The following ANKFN1 variants were observed in gnomAD, a reference collection of about 807,000 sequenced individuals.
ANKFN1 encodes ankyrin repeat and fibronectin type III domain containing 1.
Under a neutral mutation model 108.7 loss-of-function variants are expected in ANKFN1, and 74 were observed. The ratio of observed to expected loss-of-function variants is 0.68; its 90% CI spans 0.56 to 0.83. The LOEUF (loss-of-function observed/expected upper bound fraction) is 0.83. Among genes scored for constraint, ANKFN1 ranks in the 40% least tolerant of loss-of-function variants. The probability of loss-of-function intolerance (pLI) is 0.00; values close to 1 mark genes in which losing one functional copy is unlikely to be tolerated. For missense variants in ANKFN1, 1,505 were observed against 1,382.3 expected (o/e 1.09, Z -1.41); for synonymous variants, 547 against 516.2 (o/e 1.06, Z -0.81).
intron 3 of ANKFN1, among the ~76,000 whole-genome samples, chr17:56,296,941 C>T (rs1444385897): frequency 6.6e-6 from 1 of 152,186 alleles, no homozygotes; most frequent in African/African-American, 2.4e-5. Context: ...CACTTGGTCT[C>T]CTTGTTACTG....
In ANKFN1 at chr17:56,499,025, A is replaced by G; in HGVS notation, c.2571A>G (p.Thr857=). The part of the protein sequence containing the change: ...DEQSLKKINS[T]SSSHIDCLPS... ...AGAGCCTAAAGAAGATCAATTCTAC[A>G]TCATCATCACATATAGACTGTCTTC... Residue 857 remains threonine, a synonymous_variant, in exon 20 of 21, where the codon ACA becomes ACG. Transcript: ENST00000682825. 2.0e-6 allele frequency: 3 copies of G among 1,535,774 alleles called. No homozygotes were observed. The highest frequency in any genetic ancestry group is 1.7e-4 in the Middle Eastern group (1 of 5,986).
chr17:56,307,043 G>A (rs1178379235), intron 3 of ANKFN1, among the ~76,000 whole-genome samples: 1 of 152,100 alleles, frequency 6.6e-6, no homozygotes, highest in African/African-American at 2.4e-5. Flanking sequence ...AGCTGAAACT[G>A]GATCCCTTCC....
intron 1 of ANKFN1, among the ~76,000 whole-genome samples, chr17:56,199,241 C>A (rs139704557): frequency 1.4e-5 from 2 of 143,690 alleles, no homozygotes; most frequent in Non-Finnish European, 1.5e-5. Context: ...TTTCCCATTA[C>A]GTTTTCTAGC....
chr17:56,139,959 A>T (rs186807313), intron 4 of ANKFN1, among the ~76,000 whole-genome samples: 2 of 152,326 alleles, frequency 1.3e-5, no homozygotes, highest in Admixed American at 1.3e-4. Context: ...CTGCTCTTCT[A>T]TCCCTTGGAG....
At chr17:56,085,870 T>C (rs570116396) in intron 4 of ANKFN1, among the ~76,000 whole-genome samples, 5 of 151,372 alleles carry the variant, frequency 3.3e-5, no homozygotes, top group Non-Finnish European at 7.4e-5. Flanking sequence ...CAGGCTGTGA[T>C]GAACAAATTG....
intron 8 of ANKFN1, among the ~76,000 whole-genome samples, chr17:56,394,087 G>A (rs2047512337): frequency 6.6e-6 from 1 of 152,208 alleles, no homozygotes; most frequent in South Asian, 2.1e-4. Context: ...ACTTTGCAGT[G>A]TAAAGAAAAT....
rs181698841 is a variant in ANKFN1, at chr17:56,414,699, A to C, written c.911-25628A>C. On this transcript the variant is annotated intron_variant, in intron 8 of 20. Coordinates refer to ENST00000682825, the MANE Select transcript of ANKFN1 (RefSeq NM_001370326.1). ...TTTCAATTGATGCTGAAAAGCATTG[A>C]TAAAATTCAACATCCTTTCATGATA... Among the ~76,000 whole-genome samples, 28 of 152,282 alleles carry C rather than the reference A, an allele frequency of 1.8e-4. 1 individual carries two copies. Among genetic ancestry groups the C allele is most frequent in the African/African-American group, 6.5e-4 (27 of 41,564 alleles).
At chr17:56,382,074 T>C (rs540889220) in intron 8 of ANKFN1, among the ~76,000 whole-genome samples, 3 of 152,262 alleles carry the variant, frequency 2.0e-5, no homozygotes, top group African/African-American at 7.2e-5. Flanking sequence ...CCCATCAGAC[T>C]AACAGCGGAT....
chr17:56,298,762 G>A (rs1426637706), intron 3 of ANKFN1, among the ~76,000 whole-genome samples: 2 of 152,202 alleles, frequency 1.3e-5, no homozygotes, highest in Non-Finnish European at 2.9e-5. Context: ...CACACACAAT[G>A]TACAGTTTCT....
Position 56,513,613 on chromosome 17 carries a change from G to A in ANKFN1, c.*2344G>A, listed in dbSNP as rs1173588616. On this transcript the variant is annotated 3_prime_UTR_variant, in exon 21 of 21. Transcript: ENST00000682825. ...TCAGGTGGGAGGCATTCAACAAACAGGAGAGGCAGAAACTGACCCACCCTT... is the reference window on the plus strand; with the variant it reads ...TCAGGTGGGAGGCATTCAACAAACAAGAGAGGCAGAAACTGACCCACCCTT... Among the ~76,000 whole-genome samples, 1 of 152,166 alleles carries A rather than the reference G, an allele frequency of 6.6e-6. No individual in the cohort carries two copies. Among genetic ancestry groups the A allele is most frequent in the Non-Finnish European group, 1.5e-5 (1 of 68,030 alleles).
In ANKFN1 at chr17:56,188,543, A is replaced by ATGTGTGTGTGTGTGTGTGTGTG. The variant is rs1466873294; in HGVS notation, c.-70-24054_-70-24053insGTGTGTGTGTGTGTGTGTGTGT. ...ATATATAAGAAATAAAATAAGATGT[A>ATGTGTGTGTGTGTGTGTGTGTG]TATGTGTGTGTGTGTGTGTATGTGT... On this transcript the variant is annotated intron_variant, in intron 1 of 20. Coordinates refer to ENST00000682825, the MANE Select transcript of ANKFN1 (RefSeq NM_001370326.1). 2.7e-5 allele frequency among the ~76,000 whole-genome samples: 2 copies of ATGTGTGTGTGTGTGTGTGTGTG among 74,226 alleles called. 1 individual carries two copies. The highest frequency in any genetic ancestry group is 1.8e-4 in the African/African-American group (2 of 11,104). The allele number at this position is 74,226 out of a possible 152,430, so 48.7% of individuals were successfully genotyped here. A position where few individuals can be genotyped will look rare whatever the true frequency, so the allele number is the denominator to read the frequency against.
At chr17:56,396,541 GT>G (rs952173128) in intron 8 of ANKFN1, among the ~76,000 whole-genome samples, 18 of 150,784 alleles carry the variant, frequency 1.2e-4, no homozygotes, top group South Asian at 4.2e-4. Context: ...GAAACTTCTG[GT>G]TTTTTTTTGA....
chr17:56,402,106 T>G (rs1235809264), intron 8 of ANKFN1, among the ~76,000 whole-genome samples: 1 of 152,176 alleles, frequency 6.6e-6, no homozygotes, highest in Admixed American at 6.6e-5. Flanking sequence ...AGTATTTTGT[T>G]AAGGATTTTA....
chr17:56,213,346 A>G (rs73327552), intron 2 of ANKFN1, among the ~76,000 whole-genome samples: 6,529 of 152,216 alleles, frequency 0.043, 472 homozygotes, highest in African/African-American at 0.15. Flanking sequence ...CGGTGGCTGT[A>G]ACCAACAAGC....
chr17:56,104,513 C>T (rs555387775), intron 4 of ANKFN1, among the ~76,000 whole-genome samples: 1 of 152,308 alleles, frequency 6.6e-6, no homozygotes. Flanking sequence ...TGCTGTGCCA[C>T]CCTTTTTTCA....
intron 3 of ANKFN1, among the ~76,000 whole-genome samples, chr17:56,240,264 A>T (rs1486476563): frequency 1.3e-5 from 2 of 152,096 alleles, no homozygotes; most frequent in African/African-American, 4.8e-5. Context: ...TCATTGCTTC[A>T]TAATTTTTAA....
chr17:56,374,767 G>A, intron 8 of ANKFN1, 53 bp downstream of exon 8: 2 of 1,392,250 alleles, frequency 1.4e-6, no homozygotes, highest in South Asian at 1.2e-5. Context: ...AGCATCTGCT[G>A]TTTGAGAATC....
intron 3 of ANKFN1, among the ~76,000 whole-genome samples, chr17:56,238,159 GT>G (rs1392296542): frequency 1.3e-5 from 2 of 152,068 alleles, no homozygotes; most frequent in Non-Finnish European, 2.9e-5. Flanking sequence ...TATGATTTCA[GT>G]TCTTTTGCAT....
rs746230772 is a variant in ANKFN1 at position 56,449,176 on chromosome 17, C to G, written c.1197C>G (p.Tyr399Ter). ...LQQVRALHQHYSCRESTKLQT... is the reference protein window; with the variant it reads ...LQQVRALHQH ...AGGTCCGAGCCCTTCATCAGCATTA[C>G]AGTTGCCGGGGTAAGGATAAAAATC... Residue 399 changes from tyrosine to a stop codon, truncating the protein, a stop_gained, in exon 11 of 21, where the codon TAC becomes TAG. Transcript: ENST00000682825. LOFTEE classifies it high-confidence loss of function. 6.2e-7 allele frequency: 1 copy of G among 1,612,976 alleles called. No individual in the cohort carries two copies. The highest frequency in any genetic ancestry group is 1.1e-5 in the South Asian group (1 of 91,022).
Sources: allele counts gnomAD v4.1 joint callset (sites outside exome capture counted in the v4.1 genomes callset), GRCh38; gene constraint gnomAD v4.1.1; transcripts MANE v1.5; gene names NCBI Gene and HGNC (gene_info 2026-07-23, HGNC 2026-07-21).